The following RPTOR variants were observed in gnomAD, a reference collection of about 807,000 sequenced individuals.
The protein encoded by RPTOR is regulatory-associated protein of mTOR.
In RPTOR, 21 loss-of-function variants were observed where a neutral mutation model predicts 169.9. The observed-to-expected ratio is 0.12, with a 90% CI of 0.09 to 0.18. The LOEUF is 0.18. Among genes scored for constraint, RPTOR ranks in the 10% least tolerant of loss-of-function variants. The pLI, the probability that RPTOR is intolerant of heterozygous loss-of-function variation, is 1.00. For missense variants in RPTOR, 1,133 were observed against 1,855.9 expected (o/e 0.61, Z 7.16); for synonymous variants, 732 against 753.2 (o/e 0.97, Z 0.46).
intron 3 of RPTOR, among the ~76,000 whole-genome samples, chr17:80,658,546 G>C (rs1429731723): frequency 1.3e-5 from 2 of 152,120 alleles, no homozygotes; most frequent in East Asian, 3.8e-4. Flanking sequence ...GATGTTCTTA[G>C]CTGTGGACTA....
chr17:80,656,523 T>G (rs1334277696), intron 3 of RPTOR, among the ~76,000 whole-genome samples: 1 of 152,252 alleles, frequency 6.6e-6, no homozygotes, highest in Non-Finnish European at 1.5e-5. Flanking sequence ...TTCACCTTTT[T>G]ACACAAAACC....
At chr17:80,798,605 A>G (rs2067124251) in intron 7 of RPTOR, among the ~76,000 whole-genome samples, 1 of 151,956 alleles carries the variant, frequency 6.6e-6, no homozygotes, top group African/African-American at 2.4e-5. Context: ...CACTCCTCCC[A>G]TCGCATGTGG....
intron 11 of RPTOR, among the ~76,000 whole-genome samples, chr17:80,853,477 T>TC (rs1460336437): frequency 6.6e-6 from 1 of 152,090 alleles, no homozygotes; most frequent in Admixed American, 6.5e-5. Context: ...TTAATGTCTG[T>TC]CTCCCAGGCC....
At chr17:80,782,452 A>G (rs1163579272) in intron 6 of RPTOR, among the ~76,000 whole-genome samples, 9 of 152,060 alleles carry the variant, frequency 5.9e-5, no homozygotes, top group African/African-American at 2.2e-4. Flanking sequence ...GCCATTCTAC[A>G]TCCCCGACAA....
intron 7 of RPTOR, among the ~76,000 whole-genome samples, chr17:80,811,290 G>T (rs937513855): frequency 6.6e-6 from 1 of 152,146 alleles, no homozygotes; most frequent in Non-Finnish European, 1.5e-5. Context: ...AGTTTTTCTC[G>T]TGAGTTCTTG....
At position 80,879,168 on chromosome 17, in the gene RPTOR, C is replaced by T. The variant is rs777309866; in HGVS notation, c.1510-1247C>T. Reference sequence around the variant, plus strand: ...CACTGTAACCCCTCCGGGATGAAAACGCAACCCACCTCTTCAGTGGGCAGC... The same window carrying T: ...CACTGTAACCCCTCCGGGATGAAAATGCAACCCACCTCTTCAGTGGGCAGC... On this transcript the variant is annotated intron_variant, in intron 13 of 33. Transcript: ENST00000306801. 4.6e-5 allele frequency among the ~76,000 whole-genome samples: 7 copies of T among 152,122 alleles called. No homozygotes were observed. In the South Asian group the frequency reaches 6.2e-4, roughly 13 times the overall value.
chr17:80,773,538 G>C (rs1474083876), intron 6 of RPTOR, among the ~76,000 whole-genome samples: 1 of 152,128 alleles, frequency 6.6e-6, no homozygotes, highest in Non-Finnish European at 1.5e-5. Context: ...ATTTTGATTT[G>C]TGCCTGTGCT....
rs567383451 is a variant in RPTOR at position 80,722,111 on chromosome 17, C to T, written c.508-8449C>T. 2.7e-5 allele frequency among the ~76,000 whole-genome samples: 4 copies of T among 150,928 alleles called. No homozygotes were observed. The East Asian group carries it at 7.7e-4, about 29-fold the overall frequency. ...ATGGTGCAGATAAGCATAAAATAAA[C>T]AATAAAAGTTCTTCCTTTCCTTCCC... On this transcript the variant is annotated intron_variant, in intron 4 of 33. Transcript: ENST00000306801.
chr17:80,625,856 G>T, intron 2 of RPTOR, 63 bp downstream of exon 2: 1 of 1,146,058 alleles, frequency 8.7e-7, no homozygotes. Flanking sequence ...CCTGGGCGGG[G>T]CTCGCCAAGC....
chr17:80,679,732 A>C (rs74000898), intron 3 of RPTOR, among the ~76,000 whole-genome samples: 26,726 of 152,120 alleles, frequency 0.18, 3,729 homozygotes, highest in African/African-American at 0.39. Flanking sequence ...ATTAATATTT[A>C]TGTATTTATT....
At chr17:80,822,408 A>C in intron 8 of RPTOR, 107 bp downstream of exon 8, 2 of 1,091,446 alleles carry the variant, frequency 1.8e-6, no homozygotes, top group Non-Finnish European at 2.8e-6. Context: ...GTGCCTCCCT[A>C]GTGAGGAAGA....
At chr17:80,583,882 G>A (rs35856510) in intron 1 of RPTOR, among the ~76,000 whole-genome samples, 28,672 of 152,224 alleles carry the variant, frequency 0.19, 3,006 homozygotes, top group East Asian at 0.28. Context: ...TGGAGAAAGA[G>A]ACCTTTGCCC....
rs201491327 is a variant in RPTOR at position 80,646,231 on chromosome 17, AG to A, written c.348+2422del. On this transcript the variant is annotated intron_variant, in intron 3 of 33. Coordinates refer to ENST00000306801, the MANE Select transcript of RPTOR (RefSeq NM_020761.3). This position sits in a 1 kb window ranked among gnomAD's most constrained non-coding sequence, Gnocchi z 5.0. Reference sequence around the variant, plus strand: ...GCCAACACCATTGCATTCATTTTTTAGTACAATAAAAATGTTTAAAAATTTC... The same window carrying A: ...GCCAACACCATTGCATTCATTTTTTATACAATAAAAATGTTTAAAAATTTC... Among the ~76,000 whole-genome samples, 1,715 of 152,294 alleles carry A rather than the reference AG, an allele frequency of 0.011. 18 individuals are homozygous for A. The highest frequency in any genetic ancestry group is 0.041 in the Middle Eastern group (12 of 294).
intron 1 of RPTOR, among the ~76,000 whole-genome samples, chr17:80,581,058 C>G (rs910661569): frequency 2.0e-5 from 3 of 152,182 alleles, no homozygotes; most frequent in Non-Finnish European, 4.4e-5. Context: ...CTTTCCTATT[C>G]ATCATTTTCG....
In RPTOR at chr17:80,962,953, A is replaced by G. The variant is rs192396767; in HGVS notation, c.3835A>G (p.Ile1279Val). The G allele has an allele frequency of 6.2e-7, 1 of 1,613,690 alleles. No individual in the cohort carries two copies. Among genetic ancestry groups the G allele is most frequent in the East Asian group, 2.2e-5 (1 of 44,880 alleles). The change falls in exon 33 of 34, where the codon ATC becomes GTC. Residue 1279 changes from isoleucine (I) to valine (V), a missense_variant. Ile to Val is a conservative substitution (Grantham distance 29). This residue lies in a region of RPTOR where 410 missense variants were observed against 623.7 expected (regional missense o/e 0.66). Coordinates refer to ENST00000306801, the MANE Select transcript of RPTOR (RefSeq NM_020761.3). ...TGGCTCCGTCAATCAGTTCACCGCC[A>G]TCTACAACAGCAGCGGAGAGCTCAT... ...ACGSVNQFTA[I>V]YNSSGELINN...
chr17:80,624,113 C>T lies in RPTOR; in HGVS notation c.163-1578C>T, dbSNP rs141430306. Among the ~76,000 whole-genome samples, 367 of 152,098 alleles carry T rather than the reference C, an allele frequency of 2.4e-3. 5 individuals carry two copies. Among genetic ancestry groups the T allele is most frequent in the African/African-American group, 8.3e-3 (344 of 41,468 alleles). On this transcript the variant is annotated intron_variant, in intron 1 of 33. Transcript: ENST00000306801. The stretch of plus-strand genomic sequence containing the variant: ...TACTCTCAATTAAATTAATGTTAAC[C>T]GTACTGTCAATTAAATTAATGTTAA...
intron 7 of RPTOR, chr17:80,802,236 A>G (rs957099667): frequency 1.3e-5 from 2 of 152,310 alleles, no homozygotes; most frequent in African/African-American, 4.8e-5. Context: ...GCCACAGAGC[A>G]CGGAGCTGTA....
chr17:80,941,012 C>T (rs181688540), intron 25 of RPTOR, among the ~76,000 whole-genome samples: 18 of 152,344 alleles, frequency 1.2e-4, no homozygotes, highest in Admixed American at 5.9e-4. Context: ...TCTCCCCACC[C>T]GGACAGGTGT....
chr17:80,586,109 A>G (rs2143389381), intron 1 of RPTOR, among the ~76,000 whole-genome samples: 1 of 152,188 alleles, frequency 6.6e-6, no homozygotes, highest in East Asian at 1.9e-4. Flanking sequence ...GGATGTTGCG[A>G]GTCTGTGAGG....
Sources: gnomAD v4.1 joint callset for allele counts (sites outside exome capture counted in the v4.1 genomes callset) on GRCh38, gnomAD v4.1.1 for gene constraint, gnomAD v4.1.1 regional missense constraint, Gnocchi (gnomAD v3.1) non-coding constraint, MANE v1.5 for transcripts, NCBI Gene and HGNC (gene_info 2026-07-23, HGNC 2026-07-21) for gene names.